The following POLD1 variants were observed in gnomAD, a reference collection of about 807,000 sequenced individuals.
The protein encoded by POLD1 is DNA polymerase delta 1, catalytic subunit.
In POLD1, 79 loss-of-function variants were observed where a neutral mutation model predicts 129.7. The observed-to-expected ratio is 0.61, with a 90% CI of 0.51 to 0.73. The LOEUF (loss-of-function observed/expected upper bound fraction) is 0.73. Ranked by LOEUF, POLD1 falls within the 30% of genes least tolerant of loss-of-function variation. The pLI, the probability that POLD1 is intolerant of heterozygous loss-of-function variation, is 0.00. For synonymous variants in POLD1, 714 were observed against 683.3 expected, an observed-to-expected ratio of 1.04 and a Z score of -0.70; for missense variants, 1,338 against 1,595.8, an observed-to-expected ratio of 0.84 and a Z score of 2.75.
intron 22 of POLD1, 144 bp downstream of exon 22, chr19:50,415,970 G>T: frequency 4.7e-6 from 3 of 635,674 alleles, no homozygotes; most frequent in Non-Finnish European, 8.1e-6. Flanking sequence ...CCTGGGTGTG[G>T]CCTCGGCCCC....
In POLD1 at chr19:50,406,098, G is replaced by A. The variant is rs2038865855; in HGVS notation, c.1243-84G>A. On this transcript the variant is annotated intron_variant, in intron 10 of 26. Coordinates refer to ENST00000440232, the MANE Select transcript of POLD1 (RefSeq NM_002691.4). The surrounding 1 kb of genome is among the most constrained non-coding windows in gnomAD (Gnocchi z 5.5). ...GACCCCCTAGGGTTGTTATAAGGAT[G>A]TTGTGGTTGGTCTCAATCTCCGTTC... 6 of 1,515,364 alleles carry A rather than the reference G, an allele frequency of 4.0e-6. No homozygotes were observed. The highest frequency in any genetic ancestry group is 5.4e-6 in the Non-Finnish European group (6 of 1,109,926). 93.9% of individuals were successfully genotyped at this position (1,515,364 alleles called of 1,614,324 possible).
intron 1 of POLD1, among the ~76,000 whole-genome samples, chr19:50,389,548 G>A (rs890630300): frequency 1.3e-5 from 2 of 151,780 alleles, no homozygotes; most frequent in Admixed American, 1.3e-4. Context: ...GATCTGCCAC[G>A]TGTCCCTGTA....
At position 50,408,854 on chromosome 19, in the gene POLD1, C is replaced by T. The variant is rs987962329; in HGVS notation, c.1845C>T (p.Asn615=). ...SLYPSIMMAH[N]LCYTTLLRPG... Reference sequence around the variant, plus strand: ...ACCCGTCCATCATGATGGCCCACAACCTGTGTTACACCACGCTCCTTCGGC... The same window carrying T: ...ACCCGTCCATCATGATGGCCCACAATCTGTGTTACACCACGCTCCTTCGGC... The change falls in exon 15 of 27, where the codon AAC becomes AAT. Residue 615 remains asparagine, a synonymous_variant. Transcript: ENST00000440232. 6.2e-7 allele frequency: 1 copy of T among 1,614,064 alleles called. No individual in the cohort carries two copies. The highest frequency in any genetic ancestry group is 1.3e-5 in the African/African-American group (1 of 75,056).
rs368439344 is a variant in POLD1, at chr19:50,416,694, T to C, written c.3038T>C (p.Ile1013Thr). The change falls in exon 24 of 27, where the codon ATT (isoleucine) becomes ACT (threonine). Residue 1013 changes from isoleucine to threonine, a missense_variant. Transcript: ENST00000440232. ...TTCGCCAAACGCCGCAACTGCTGCATTGGCTGCCGCACAGTGCTCAGCCAC... is the reference window on the plus strand; with the variant it reads ...TTCGCCAAACGCCGCAACTGCTGCACTGGCTGCCGCACAGTGCTCAGCCAC... ...LAFAKRRNCC[I>T]GCRTVLSHQG... The C allele has an allele frequency of 1.4e-5, 22 of 1,545,698 alleles. No individual in the cohort carries two copies. In the African/African-American group the frequency reaches 2.5e-4, roughly 17 times the overall value.
intron 9 of POLD1, 101 bp from the exon 10 acceptor site, chr19:50,403,392 G>A: frequency 8.5e-7 from 1 of 1,174,694 alleles, no homozygotes; most frequent in Non-Finnish European, 1.3e-6. Flanking sequence ...TCTGGGTTCT[G>A]CAGGATTTTC....
chr19:50,403,628 C>A, intron 10 of POLD1, 31 bp downstream of exon 10: 1 of 1,414,272 alleles, frequency 7.1e-7, no homozygotes, highest in Non-Finnish European at 1.0e-6. Context: ...AGGCTTCTCT[C>A]AGATGCCCCA....
At chr19:50,415,915 G>C in intron 22 of POLD1, 89 bp downstream of exon 22, 2 of 1,021,960 alleles carry the variant, frequency 2.0e-6, no homozygotes, top group Non-Finnish European at 2.8e-6. Flanking sequence ...GAAGGGTGGG[G>C]CCTCCCGTGC....
chr19:50,392,267 T>G (rs1038473434), intron 1 of POLD1, among the ~76,000 whole-genome samples: 1 of 151,856 alleles, frequency 6.6e-6, no homozygotes, highest in African/African-American at 2.4e-5. Context: ...ATTGACTAAT[T>G]TTTAATTTTT....
intron 26 of POLD1, among the ~76,000 whole-genome samples, chr19:50,417,548 C>G (rs1335369034): frequency 6.6e-6 from 1 of 152,150 alleles, no homozygotes; most frequent in Non-Finnish European, 1.5e-5. Context: ...CTGGCCCCCT[C>G]CCCAGGGCGG....
At chr19:50,404,778 G>C (rs2038811508) in intron 10 of POLD1, among the ~76,000 whole-genome samples, 1 of 149,338 alleles carries the variant, frequency 6.7e-6, no homozygotes. Flanking sequence ...TCTTGAGATG[G>C]AATTTCGCTC....
At chr19:50,417,684 CCCCCCCG>C (rs1327087768) in intron 26 of POLD1, among the ~76,000 whole-genome samples, 151 bp from the exon 27 acceptor site, 15 of 143,902 alleles carry the variant, frequency 1.0e-4, no homozygotes, top group African/African-American at 3.3e-4. Flanking sequence ...CCCCCCCCAC[CCCCCCCG>C]TGCCTGCTGA....
At position 50,408,785 on chromosome 19, in the gene POLD1, G is replaced by T; in HGVS notation, c.1776G>T (p.Gly592=). The T allele has an allele frequency of 6.2e-7, 1 of 1,613,704 alleles. No homozygotes were observed. Among genetic ancestry groups the T allele is most frequent in the Non-Finnish European group, 8.5e-7 (1 of 1,179,954 alleles). ...CCGGCCGCGGCTGCTCCCCTCCCAGGTACTACGACGTCCCCATCGCCACCC... is the reference window on the plus strand; with the variant it reads ...CCGGCCGCGGCTGCTCCCCTCCCAGTTACTACGACGTCCCCATCGCCACCC... ...TGATVIEPLK[G]YYDVPIATLD... Residue 592 remains glycine, a splice_region_variant and synonymous_variant, in exon 15 of 27, where the codon GGG becomes GGT. Transcript: ENST00000440232.
intron 3 of POLD1, among the ~76,000 whole-genome samples, chr19:50,400,310 T>TC (rs1319079968): frequency 7.2e-6 from 1 of 138,448 alleles, no homozygotes; most frequent in East Asian, 2.3e-4. Context: ...AACCTCCGCC[T>TC]CCTGGGTTCA....
At chr19:50,398,538 C>T (rs1365448749) in intron 1 of POLD1, among the ~76,000 whole-genome samples, 1 of 139,220 alleles carries the variant, frequency 7.2e-6, no homozygotes, top group African/African-American at 2.8e-5. Context: ...CCATTGCACT[C>T]CAGCCTGGGT....
intron 3 of POLD1, among the ~76,000 whole-genome samples, chr19:50,400,699 CT>C (rs78107518): frequency 0.022 from 3,006 of 136,872 alleles, 46 homozygotes; most frequent in Non-Finnish European, 0.033. Flanking sequence ...GTCTGGCTAA[CT>C]TTTTTTTTTT....
chr19:50,414,292 G>A (rs748706042), intron 19 of POLD1, among the ~76,000 whole-genome samples: 4 of 152,216 alleles, frequency 2.6e-5, no homozygotes, highest in Non-Finnish European at 5.9e-5. Flanking sequence ...TCGCTCTGTC[G>A]CCCAGGCTGG....
At chr19:50,396,592 C>T (rs1844236360) in intron 1 of POLD1, among the ~76,000 whole-genome samples, 1 of 151,932 alleles carries the variant, frequency 6.6e-6, no homozygotes, top group African/African-American at 2.4e-5. Flanking sequence ...ATTCTCCTGC[C>T]TCAGCCTCAT....
At chr19:50,408,649 C>A in intron 14 of POLD1, 136 bp from the exon 15 acceptor site, 1 of 1,335,482 alleles carries the variant, frequency 7.5e-7, no homozygotes, top group Non-Finnish European at 1.0e-6. Flanking sequence ...TCCCAATGTG[C>A]TGGGATTGCA....
rs1382017039 is a variant in POLD1 at position 50,407,363 on chromosome 19, T to A, written c.1723T>A (p.Ser575Thr). The A allele has an allele frequency of 6.2e-7, 1 of 1,612,654 alleles. No individual in the cohort carries two copies. The highest frequency in any genetic ancestry group is 8.5e-7 in the Non-Finnish European group (1 of 1,179,574). The change falls in exon 14 of 27, where the codon TCA becomes ACA. Residue 575 changes from serine (S) to threonine (T), a missense_variant. Physicochemically the swap from Ser to Thr is moderately conservative, Grantham distance 58. This residue lies in a region of POLD1 where 720 missense variants were observed against 1,002.6 expected (regional missense o/e 0.72). Coordinates refer to ENST00000440232, the MANE Select transcript of POLD1 (RefSeq NM_002691.4). ...HEGLLMPVVK[S>T]EGGEDYTGAT... ...GGGGCTGCTGATGCCCGTGGTGAAG[T>A]CAGAGGGCGGCGAGGACTACACGGG...
Sources: allele counts gnomAD v4.1 joint callset (sites outside exome capture counted in the v4.1 genomes callset), GRCh38; gene constraint gnomAD v4.1.1; regional missense constraint gnomAD v4.1.1; non-coding constraint Gnocchi (gnomAD v3.1); transcripts MANE v1.5; gene names NCBI Gene and HGNC (gene_info 2026-07-23, HGNC 2026-07-21).